Variants in SCLT1 observed in about 807,000 individuals in gnomAD.
SCLT1 encodes the protein sodium channel-associated protein 1.
Under a neutral mutation model 112.8 loss-of-function variants are expected in SCLT1, and 78 were observed. That is an observed-to-expected ratio of 0.69 (90% CI 0.58 to 0.83). The LOEUF (loss-of-function observed/expected upper bound fraction) is 0.83, where lower values mean the gene tolerates loss of function less well. Ranked by LOEUF, SCLT1 falls within the 40% of genes least tolerant of loss-of-function variation. The pLI, the probability that SCLT1 is intolerant of heterozygous loss-of-function variation, is 0.00. For synonymous variants in SCLT1, 257 were observed against 254.7 expected (o/e 1.01, Z -0.09); for missense variants, 747 against 770.4 (o/e 0.97, Z 0.36).
At chr4:129,042,105 C>A (rs1307433299) in intron 4 of SCLT1, among the ~76,000 whole-genome samples, 3 of 152,026 alleles carry the variant, frequency 2.0e-5, no homozygotes, top group Non-Finnish European at 4.4e-5. Flanking sequence ...GAAAGCCAAC[C>A]CTGCCACCCT....
chr4:129,057,419 T>TG (rs1749510788), intron 2 of SCLT1, among the ~76,000 whole-genome samples: 1 of 150,796 alleles, frequency 6.6e-6, no homozygotes, highest in South Asian at 2.1e-4. Context: ...CTTTTTTTTT[T>TG]TTTTTTTTGA....
intron 20 of SCLT1, among the ~76,000 whole-genome samples, chr4:128,887,291 AC>A (rs1579281819): frequency 1.3e-5 from 2 of 152,278 alleles, no homozygotes; most frequent in African/African-American, 4.8e-5. Flanking sequence ...ACTTCATAAG[AC>A]ATAAAAATTA....
At chr4:129,032,359 A>G (rs574705185) in intron 5 of SCLT1, among the ~76,000 whole-genome samples, 2 of 152,158 alleles carry the variant, frequency 1.3e-5, no homozygotes, top group Non-Finnish European at 2.9e-5. Flanking sequence ...TAAAGACTTA[A>G]ATGTAAAACC....
At chr4:128,974,795 T>C (rs1373211594) in intron 9 of SCLT1, among the ~76,000 whole-genome samples, 4 of 152,130 alleles carry the variant, frequency 2.6e-5, no homozygotes, top group Admixed American at 2.6e-4. Context: ...TGCCTGTGTA[T>C]GTAATTTTAT....
intron 2 of SCLT1, among the ~76,000 whole-genome samples, chr4:129,073,820 C>G (rs898288656): frequency 6.6e-6 from 1 of 152,108 alleles, no homozygotes; most frequent in Non-Finnish European, 1.5e-5. Flanking sequence ...CTTACTAAAC[C>G]TAATGTTTTT....
At chr4:128,897,085 T>C (rs1302999265) in intron 18 of SCLT1, among the ~76,000 whole-genome samples, 3 of 152,194 alleles carry the variant, frequency 2.0e-5, no homozygotes, top group Non-Finnish European at 4.4e-5. Flanking sequence ...TGGAACCAAG[T>C]TGGAAAACAC....
intron 18 of SCLT1, among the ~76,000 whole-genome samples, chr4:128,922,865 T>C (rs1265335894): frequency 6.6e-6 from 1 of 151,946 alleles, no homozygotes; most frequent in Non-Finnish European, 1.5e-5. Flanking sequence ...AAAAGATAAT[T>C]TGTAAAATAA....
At chr4:128,889,912 T>C (rs558099625) in intron 19 of SCLT1, among the ~76,000 whole-genome samples, 1 of 152,290 alleles carries the variant, frequency 6.6e-6, no homozygotes, top group African/African-American at 2.4e-5. Context: ...TAAGAATGAA[T>C]GTTATGGCTA....
chr4:129,039,743 C>A, intron 4 of SCLT1: 1 of 161,644 alleles, frequency 6.2e-6, no homozygotes, highest in Non-Finnish European at 1.4e-5. Flanking sequence ...AAATGAAGGT[C>A]TGATTAACGT....
chr4:129,057,682 T>A (rs1172488443), intron 2 of SCLT1, among the ~76,000 whole-genome samples: 1 of 151,934 alleles, frequency 6.6e-6, no homozygotes, highest in Admixed American at 6.6e-5. Flanking sequence ...CCATTATTGC[T>A]AGGTTTTCTA....
chr4:129,068,447 T>C (rs1429147999), intron 2 of SCLT1, among the ~76,000 whole-genome samples: 3 of 152,222 alleles, frequency 2.0e-5, no homozygotes, highest in Non-Finnish European at 4.4e-5. Flanking sequence ...CGTTGTGGTT[T>C]TGTTTTGCAT....
chr4:129,087,095 A>G (rs1238951676), intron 1 of SCLT1, among the ~76,000 whole-genome samples: 1 of 152,134 alleles, frequency 6.6e-6, no homozygotes, highest in African/African-American at 2.4e-5. Flanking sequence ...AGGAAATGCA[A>G]GTGGAGACCA....
At chr4:129,039,891 TGCGCGC>T (rs139255081) in intron 4 of SCLT1, 2 of 264,138 alleles carry the variant, frequency 7.6e-6, no homozygotes, top group Non-Finnish European at 1.3e-5. Flanking sequence ...ATGGAGAGTG[TGCGCGC>T]GCGCACACAC....
At chr4:128,926,259 A>G (rs1371804714) in intron 18 of SCLT1, among the ~76,000 whole-genome samples, 1 of 152,002 alleles carries the variant, frequency 6.6e-6, no homozygotes, top group Non-Finnish European at 1.5e-5. Context: ...AGGCTAGTTT[A>G]GTTTTAACAA....
At chr4:129,058,809 C>T (rs1749688070) in intron 2 of SCLT1, among the ~76,000 whole-genome samples, 1 of 152,036 alleles carries the variant, frequency 6.6e-6, no homozygotes, top group Non-Finnish European at 1.5e-5. Flanking sequence ...GTTAATGTCA[C>T]CACCTATTAT....
Position 129,023,737 on chromosome 4 carries a change from T to C in SCLT1, c.290+15304A>G, listed in dbSNP as rs569779212. Among the ~76,000 whole-genome samples the C allele has an allele frequency of 5.0e-3, 766 of 152,284 alleles. 6 individuals carry two copies. Among genetic ancestry groups the C allele is most frequent in the African/African-American group, 0.017 (719 of 41,560 alleles). On this transcript the variant is annotated intron_variant, in intron 5 of 20. Transcript: ENST00000281142. ...GTGCGAGCTGAAGCAGGGCGAGGCA[T>C]TGCCTCACTCGGGAAGCGCAAGGGG... is the stretch of plus-strand genomic sequence containing the variant.
chr4:128,998,193 T>A (rs1433465760), intron 7 of SCLT1, among the ~76,000 whole-genome samples: 1 of 151,876 alleles, frequency 6.6e-6, no homozygotes, highest in Admixed American at 6.6e-5. Flanking sequence ...CTAGAAATCA[T>A]TTATTAAATA....
intron 7 of SCLT1, among the ~76,000 whole-genome samples, chr4:128,999,376 T>C (rs1282282724): frequency 2.0e-5 from 3 of 151,912 alleles, no homozygotes; most frequent in Non-Finnish European, 4.4e-5. Context: ...ATCAAGCAAA[T>C]AAAAACTTTG....
intron 4 of SCLT1, among the ~76,000 whole-genome samples, chr4:129,041,011 G>T (rs11098996): frequency 0.088 from 13,397 of 152,094 alleles, 757 homozygotes; most frequent in South Asian, 0.15. Context: ...GCTGATTAAA[G>T]AAATAAATGA....
Sources: allele counts gnomAD v4.1 joint callset (sites outside exome capture counted in the v4.1 genomes callset), GRCh38; gene constraint gnomAD v4.1.1; transcripts MANE v1.5; gene names NCBI Gene and HGNC (gene_info 2026-07-23, HGNC 2026-07-21).